The following MYBPC1 variants were observed in gnomAD, a reference collection of about 807,000 sequenced individuals.
MYBPC1 encodes myosin-binding protein C, slow-type.
MYBPC1 carries 52 observed loss-of-function variants against 147.1 expected under a neutral mutation model. The ratio of observed to expected loss-of-function variants is 0.35; its 90% CI spans 0.28 to 0.45. MYBPC1 has a LOEUF of 0.45. Ranked by LOEUF, MYBPC1 falls within the 20% of genes least tolerant of loss-of-function variation. The pLI is 1.00. For synonymous variants in MYBPC1, 477 were observed against 475.9 expected (o/e 1.00, Z -0.03); for missense variants, 1,228 against 1,440.3 (o/e 0.85, Z 2.39).
chr12:101,670,285 CTGAT>C, intron 23 of MYBPC1, 32 bp from the exon 24 acceptor site: 1 of 1,562,072 alleles, frequency 6.4e-7, no homozygotes, highest in South Asian at 1.1e-5. Flanking sequence ...AGACACCAGA[CTGAT>C]TGCAAAATTG....
chr12:101,655,387 G>A (rs915602884), intron 18 of MYBPC1, among the ~76,000 whole-genome samples: 1 of 152,048 alleles, frequency 6.6e-6, no homozygotes, highest in Non-Finnish European at 1.5e-5. Flanking sequence ...AGACATTGAA[G>A]GCAAATTTGA....
At chr12:101,629,372 G>A in intron 5 of MYBPC1, 62 bp from the exon 6 acceptor site, 1 of 1,145,760 alleles carries the variant, frequency 8.7e-7, no homozygotes. Context: ...ACAAATCCAG[G>A]TAAGACTGCC....
the MYBPC1 span, among the ~76,000 whole-genome samples, chr12:101,693,737 C>CTAAATAGA: frequency 3.4e-4 from 35 of 101,934 alleles, no homozygotes; most frequent in East Asian, 3.0e-3. Context: ...GAATCTGTCT[C>CTAAATAGA]TAAATAAATA....
In MYBPC1 at chr12:101,631,720, G is replaced by A; in HGVS notation, c.438+1G>A. 6.2e-7 allele frequency: 1 copy of A among 1,614,068 alleles called. No individual in the cohort carries two copies. The highest frequency in any genetic ancestry group is 8.5e-7 in the Non-Finnish European group (1 of 1,180,036). On this transcript the variant is annotated splice_donor_variant, in intron 7 of 31. Transcript: ENST00000361466. LOFTEE classifies it high-confidence loss of function. ...GGAAACCTTTGAGAGGCACAGTCGG[G>A]TAAGGCCCTGAACTCCCAGGACAGG...
intron 31 of MYBPC1, among the ~76,000 whole-genome samples, chr12:101,685,274 C>T (rs1038575978): frequency 1.3e-5 from 2 of 152,314 alleles, no homozygotes; most frequent in African/African-American, 4.8e-5. Context: ...TGAGGAATCA[C>T]AAAACCTCTC....
chr12:101,639,580 G>C (rs2136150360), intron 10 of MYBPC1, among the ~76,000 whole-genome samples: 1 of 152,342 alleles, frequency 6.6e-6, no homozygotes, highest in East Asian at 1.9e-4. Context: ...GACTAAGTAT[G>C]TGATAAGAGT....
chr12:101,653,068 A>T, intron 17 of MYBPC1, 47 bp from the exon 18 acceptor site: 1 of 1,597,206 alleles, frequency 6.3e-7, no homozygotes, highest in Non-Finnish European at 8.6e-7. Flanking sequence ...GCAGATATTT[A>T]CACAGAAATG....
downstream of MYBPC1, among the ~76,000 whole-genome samples, chr12:101,686,755 C>T (rs1351193374): frequency 6.6e-6 from 1 of 151,934 alleles, no homozygotes; most frequent in Non-Finnish European, 1.5e-5. Flanking sequence ...TTTTTCTTTC[C>T]AGATTTTAGC....
At chr12:101,677,140 A>C in intron 26 of MYBPC1, 95 bp from the exon 27 acceptor site, 1 of 1,258,022 alleles carries the variant, frequency 7.9e-7, no homozygotes, top group Admixed American at 2.1e-5. Context: ...TCTTTTTGTT[A>C]ATAAAGCATC....
intron 3 of MYBPC1, among the ~76,000 whole-genome samples, chr12:101,624,770 C>G (rs940841358): frequency 7.6e-6 from 1 of 131,416 alleles, no homozygotes; most frequent in African/African-American, 2.9e-5. Flanking sequence ...ATTTTAAGTA[C>G]GAAGATTTTA....
chr12:101,602,051 T>C (rs78107404), intron 1 of MYBPC1, among the ~76,000 whole-genome samples: 3,892 of 152,308 alleles, frequency 0.026, 123 homozygotes, highest in South Asian at 0.099. Context: ...TTATACTATT[T>C]GTAGAACATT....
chr12:101,643,490 G>A (rs1175209338), intron 11 of MYBPC1, among the ~76,000 whole-genome samples: 1 of 152,118 alleles, frequency 6.6e-6, no homozygotes, highest in Non-Finnish European at 1.5e-5. Context: ...CTCCTAAGGT[G>A]TGTGGTAGAT....
intron 5 of MYBPC1, chr12:101,629,012 G>A (rs748378008): frequency 2.6e-5 from 7 of 267,822 alleles, no homozygotes; most frequent in South Asian, 4.6e-5. Flanking sequence ...TGACCTATCC[G>A]TTTAGTCTTT....
chr12:101,672,080 T>A (rs1380818146), intron 24 of MYBPC1, among the ~76,000 whole-genome samples: 1 of 152,216 alleles, frequency 6.6e-6, no homozygotes, highest in Non-Finnish European at 1.5e-5. Flanking sequence ...CAGTGGTTTT[T>A]TCCACTCTGT....
intron 9 of MYBPC1, among the ~76,000 whole-genome samples, chr12:101,636,433 T>C (rs972218431): frequency 2.0e-5 from 3 of 152,228 alleles, no homozygotes; most frequent in African/African-American, 7.2e-5. Flanking sequence ...ATATATGCAA[T>C]CTACAAAAAT....
At chr12:101,605,467 A>T (rs1158481330) in intron 1 of MYBPC1, among the ~76,000 whole-genome samples, 3 of 152,216 alleles carry the variant, frequency 2.0e-5, no homozygotes, top group African/African-American at 7.2e-5. Context: ...AATAAACTAA[A>T]GATCATTTGT....
At chr12:101,651,896 T>C (rs745854922) in intron 16 of MYBPC1, among the ~76,000 whole-genome samples, 1 of 152,164 alleles carries the variant, frequency 6.6e-6, no homozygotes, top group Non-Finnish European at 1.5e-5. Context: ...ATCACACCAC[T>C]GCATTTCAGC....
chr12:101,647,270 G>C (rs1435514108), intron 13 of MYBPC1, among the ~76,000 whole-genome samples: 1 of 152,144 alleles, frequency 6.6e-6, no homozygotes, highest in Non-Finnish European at 1.5e-5. Context: ...CTAAGACATT[G>C]TGAAAAGAGC....
Position 101,685,920 on chromosome 12 carries a change from T to C in MYBPC1, c.*358T>C. ...ATTATCTCTGCTCACTGTATTATACTTTACAAAAATGCAAGTCATAGAATA... is the reference window on the plus strand; with the variant it reads ...ATTATCTCTGCTCACTGTATTATACCTTACAAAAATGCAAGTCATAGAATA... On this transcript the variant is annotated 3_prime_UTR_variant, in exon 32 of 32. Coordinates refer to ENST00000361466, the MANE Select transcript of MYBPC1 (RefSeq NM_002465.4). 2 of 289,384 alleles carry C rather than the reference T, an allele frequency of 6.9e-6. No individual in the cohort carries two copies. The highest frequency in any genetic ancestry group is 6.3e-6 in the Non-Finnish European group (1 of 159,012). The allele number at this position is 289,384 out of a possible 1,614,324, so 17.9% of individuals were successfully genotyped here.
Sources: gnomAD v4.1 joint callset for allele counts (sites outside exome capture counted in the v4.1 genomes callset) on GRCh38, gnomAD v4.1.1 for gene constraint, MANE v1.5 for transcripts, NCBI Gene and HGNC (gene_info 2026-07-23, HGNC 2026-07-21) for gene names.